ZC3H18: variants seen among roughly 807,000 people sequenced by gnomAD.
ZC3H18 encodes the protein zinc finger CCCH-type containing 18.
In ZC3H18, 8 loss-of-function variants were observed where a neutral mutation model predicts 106.1. The observed-to-expected ratio is 0.08, with a 90% CI of 0.04 to 0.14. ZC3H18 has a LOEUF of 0.14. Among genes scored for constraint, ZC3H18 ranks in the 10% least tolerant of loss-of-function variants. The probability of loss-of-function intolerance (pLI) is 1.00; values close to 1 mark genes in which losing one functional copy is unlikely to be tolerated. For missense variants in ZC3H18, 1,318 were observed against 1,278.4 expected (o/e 1.03, Z -0.47); for synonymous variants, 635 against 522.1 (o/e 1.22, Z -2.95).
rs755612647 is a variant in ZC3H18 at position 88,611,328 on chromosome 16, C to T, written c.1267C>T (p.Arg423Trp). The T allele has an allele frequency of 5.7e-6, 4 of 707,648 alleles. No individual in the cohort carries two copies. In the Admixed American group the frequency reaches 6.2e-5, roughly 11 times the overall value. The allele number at this position is 707,648 out of a possible 1,614,324, so 43.8% of individuals were successfully genotyped here. Residue 423 changes from arginine (R) to tryptophan (W), a missense_variant, in exon 8 of 18, where the codon CGG (arginine) becomes TGG (tryptophan). Transcript: ENST00000301011. ...RQRERERERE[R>W]DRERERRQRE... is the part of the protein sequence containing the mutation. Reference sequence around the variant, plus strand: ...GCGCGAGCGCGAGCGGGAGCGGGAGCGGGACCGAGAGCGGGAGCGCCGGCA... The same window carrying T: ...GCGCGAGCGCGAGCGGGAGCGGGAGTGGGACCGAGAGCGGGAGCGCCGGCA...
At chr16:88,606,373 C>T (rs987308885) in intron 6 of ZC3H18, among the ~76,000 whole-genome samples, 1 of 152,248 alleles carries the variant, frequency 6.6e-6, no homozygotes, top group Non-Finnish European at 1.5e-5. Context: ...GGCAGCCACG[C>T]TGAGGAAATG....
At chr16:88,599,209 G>A (rs1314366998) in intron 5 of ZC3H18, among the ~76,000 whole-genome samples, 5 of 151,758 alleles carry the variant, frequency 3.3e-5, no homozygotes, top group South Asian at 2.1e-4. Context: ...TGCCCGAGCC[G>A]CACCCCCAGG....
chr16:88,579,561 A>T (rs902152253), intron 2 of ZC3H18, among the ~76,000 whole-genome samples: 2 of 152,104 alleles, frequency 1.3e-5, no homozygotes, highest in Admixed American at 6.5e-5. Context: ...GGTGCGGTAG[A>T]TGGGTCCAGC....
chr16:88,601,372 A>G (rs1486674588), intron 6 of ZC3H18, among the ~76,000 whole-genome samples: 2 of 152,182 alleles, frequency 1.3e-5, no homozygotes, highest in Non-Finnish European at 2.9e-5. Context: ...TCGTGTGCAC[A>G]GAGGTCTCTA....
At chr16:88,571,665 G>A (rs1914416281) in intron 1 of ZC3H18, 1 of 985,444 alleles carries the variant, frequency 1.0e-6, no homozygotes, top group South Asian at 4.7e-5. Flanking sequence ...ACTCCAGAAA[G>A]CAAACAGGTA....
intron 3 of ZC3H18, among the ~76,000 whole-genome samples, chr16:88,596,184 G>C (rs1265338541): frequency 1.3e-5 from 2 of 152,138 alleles, no homozygotes; most frequent in Non-Finnish European, 2.9e-5. Flanking sequence ...GGCGCTCACT[G>C]GTTTGTTCTC....
intron 8 of ZC3H18, among the ~76,000 whole-genome samples, chr16:88,614,704 A>G (rs146238777): frequency 7.9e-4 from 121 of 152,376 alleles, no homozygotes; most frequent in African/African-American, 2.8e-3. Context: ...TGAAGTTTAC[A>G]TGGTCATCCA....
intron 7 of ZC3H18, among the ~76,000 whole-genome samples, chr16:88,610,258 G>A (rs1905210832): frequency 6.6e-6 from 1 of 152,188 alleles, no homozygotes; most frequent in African/African-American, 2.4e-5. Context: ...GTTAGAAGCT[G>A]CTGTGTAGTT....
Position 88,630,465 on chromosome 16 carries a change from ACT to A in ZC3H18, c.2567-17_2567-16del. On this transcript the variant is annotated intron_variant, in intron 16 of 17. Transcript: ENST00000301011. Reference sequence around the variant, plus strand: ...CCCTGTACATCAGGAGGGTGGTCTCACTCTGTACCTATCACCCAGGTTCTCGG... The same window carrying A: ...CCCTGTACATCAGGAGGGTGGTCTCACTGTACCTATCACCCAGGTTCTCGG... 6.2e-7 allele frequency: 1 copy of A among 1,606,856 alleles called. No individual in the cohort carries two copies.
Position 88,599,922 on chromosome 16 carries a change from G to A in ZC3H18, c.1062G>A (p.Arg354=), listed in dbSNP as rs762469366. Residue 354 remains arginine, a synonymous_variant, in exon 6 of 18, where the codon CGG becomes CGA. Transcript: ENST00000301011. Reference sequence around the variant, plus strand: ...AAGTTTTTCGAGATTGGAATTCTCGGATCCCGAGAGATGTCAGAGACACAG... The same window carrying A: ...AAGTTTTTCGAGATTGGAATTCTCGAATCCCGAGAGATGTCAGAGACACAG... ...ENEVFRDWNS[R]IPRDVRDTVL... is the part of the protein sequence containing the mutation. The A allele has an allele frequency of 1.9e-6, 3 of 1,614,174 alleles. No homozygotes were observed. Among genetic ancestry groups the A allele is most frequent in the Middle Eastern group, 1.6e-4 (1 of 6,062 alleles).
At chr16:88,595,435 T>TTTA (rs1904378515) in intron 3 of ZC3H18, among the ~76,000 whole-genome samples, 1 of 152,034 alleles carries the variant, frequency 6.6e-6, no homozygotes, top group Non-Finnish European at 1.5e-5. Flanking sequence ...CCAGAAGATC[T>TTTA]TTATTGTTGC....
At chr16:88,589,029 T>C (rs959120614) in intron 3 of ZC3H18, among the ~76,000 whole-genome samples, 7 of 152,268 alleles carry the variant, frequency 4.6e-5, no homozygotes, top group African/African-American at 1.7e-4. Context: ...TACCGTTTTC[T>C]AGATCATGTC....
At chr16:88,622,795 T>C in intron 9 of ZC3H18, 1 of 270,204 alleles carries the variant, frequency 3.7e-6, no homozygotes, top group South Asian at 4.7e-5. Context: ...GGCTCCCGAG[T>C]GAGGGATGAT....
At chr16:88,628,540 G>T in intron 15 of ZC3H18, 1 of 580,210 alleles carries the variant, frequency 1.7e-6, no homozygotes, top group Non-Finnish European at 3.1e-6. Flanking sequence ...GGCCTGCAGG[G>T]TGCTTCCCCT....
chr16:88,570,628 C>G (rs1310423857), intron 1 of ZC3H18, 62 bp downstream of exon 1: 1 of 150,760 alleles, frequency 6.6e-6, no homozygotes, highest in Non-Finnish European at 1.5e-5. Context: ...GAGGAGGCCG[C>G]CGAGGCGGCG....
chr16:88,599,974 C>G (rs1382501135), intron 6 of ZC3H18, 26 bp downstream of exon 6: 2 of 1,610,860 alleles, frequency 1.2e-6, no homozygotes, highest in Non-Finnish European at 1.7e-6. Context: ...GCCTGCCCCT[C>G]CGTTTCCTTC....
intron 13 of ZC3H18, chr16:88,625,838 A>AT (rs1175357328): frequency 0.27 from 27,798 of 104,482 alleles, 3,944 homozygotes; most frequent in Middle Eastern, 0.41. Context: ...ACAGAAAAAG[A>AT]TTTTTTTTTT....
intron 3 of ZC3H18, among the ~76,000 whole-genome samples, chr16:88,591,572 CAAA>C (rs925298282): frequency 3.5e-5 from 4 of 113,370 alleles, no homozygotes; most frequent in Non-Finnish European, 7.6e-5. Flanking sequence ...ACTCCGTCTC[CAAA>C]AAAAAAAAAA....
intron 8 of ZC3H18, among the ~76,000 whole-genome samples, chr16:88,621,631 C>T (rs1905968545): frequency 6.6e-6 from 1 of 152,128 alleles, no homozygotes; most frequent in Non-Finnish European, 1.5e-5. Context: ...GCTGGGATTA[C>T]AGGCATGAGC....
Sources: allele counts gnomAD v4.1 joint callset (sites outside exome capture counted in the v4.1 genomes callset), GRCh38; gene constraint gnomAD v4.1.1; transcripts MANE v1.5; gene names NCBI Gene and HGNC (gene_info 2026-07-23, HGNC 2026-07-21).